The following NTNG1 variants were observed in gnomAD, a reference collection of about 807,000 sequenced individuals.
NTNG1 encodes netrin G1, also known as netrin-G1.
A neutral mutation model predicts 54.0 loss-of-function variants in NTNG1; 16 were observed. The observed-to-expected ratio is 0.30, with a 90% confidence interval of 0.20 to 0.45. The LOEUF is 0.45. Among genes scored for constraint, NTNG1 ranks in the 20% least tolerant of loss-of-function variants. The pLI, the probability that NTNG1 is intolerant of heterozygous loss-of-function variation, is 1.00. For missense variants in NTNG1, 530 were observed against 678.7 expected (o/e 0.78, Z 2.43); for synonymous variants, 255 against 263.1 (o/e 0.97, Z 0.30).
chr1:107,283,844 C>T (rs950079033), intron 2 of NTNG1, among the ~76,000 whole-genome samples: 5 of 152,154 alleles, frequency 3.3e-5, no homozygotes, highest in African/African-American at 1.2e-4. Flanking sequence ...GACTCCTATA[C>T]CCTAAGCTGT....
At chr1:107,147,166 T>G (rs1434705102) in intron 1 of NTNG1, among the ~76,000 whole-genome samples, 1 of 152,118 alleles carries the variant, frequency 6.6e-6, no homozygotes, top group Admixed American at 6.6e-5. Flanking sequence ...GGATGCATTA[T>G]CAGTTAATCA....
intron 2 of NTNG1, among the ~76,000 whole-genome samples, chr1:107,255,350 A>G (rs1041914082): frequency 1.3e-5 from 2 of 152,180 alleles, no homozygotes; most frequent in African/African-American, 4.8e-5. Context: ...CCCAAAGGAG[A>G]AGCAGCCAAG....
intron 2 of NTNG1, among the ~76,000 whole-genome samples, chr1:107,270,559 T>C (rs971096110): frequency 6.6e-6 from 1 of 152,230 alleles, no homozygotes; most frequent in South Asian, 2.1e-4. Flanking sequence ...TCTGATGTTA[T>C]TAATGGGTTC....
chr1:107,273,457 ATTG>A (rs562798605), intron 2 of NTNG1, among the ~76,000 whole-genome samples: 441 of 152,308 alleles, frequency 2.9e-3, no homozygotes, highest in Non-Finnish European at 4.8e-3. Context: ...CAACATAGTT[ATTG>A]TTGTTGTCGT....
chr1:107,192,888 A>T (rs139984970), intron 2 of NTNG1, among the ~76,000 whole-genome samples: 11 of 152,178 alleles, frequency 7.2e-5, no homozygotes, highest in African/African-American at 1.7e-4. Flanking sequence ...GACTACTGTG[A>T]TTTCCTGAAA....
rs555539232 is a variant in NTNG1 at position 107,333,052 on chromosome 1, A to G, written c.887+8130A>G. Among the ~76,000 whole-genome samples the G allele has an allele frequency of 1.6e-3, 247 of 152,138 alleles. 2 individuals carry two copies. The highest frequency in any genetic ancestry group is 5.3e-3 in the African/African-American group (221 of 41,546). On this transcript the variant is annotated intron_variant, in intron 3 of 7. Transcript: ENST00000370068. ...GTGAAACAGGAGCCTCACAAACCCT[A>G]CTGGTCCAGAAGATTATAAAAGTAG...
At position 107,161,522 on chromosome 1, in the gene NTNG1, G is replaced by T. The variant is rs555287443; in HGVS notation, c.246+12683G>T. On this transcript the variant is annotated intron_variant, in intron 2 of 7. Transcript: ENST00000370068. ...CTAAAAATACAAAAATTGGCCAGGT[G>T]TAATGGTGTGCACCTGTAATTCCAG... is the stretch of plus-strand genomic sequence containing the variant. 2.6e-4 allele frequency among the ~76,000 whole-genome samples: 40 copies of T among 152,076 alleles called. 1 individual carries two copies. Among genetic ancestry groups the T allele is most frequent in the African/African-American group, 9.6e-4 (40 of 41,474 alleles).
intron 2 of NTNG1, among the ~76,000 whole-genome samples, chr1:107,192,400 G>T (rs1365419617): frequency 6.6e-6 from 1 of 151,980 alleles, no homozygotes; most frequent in Non-Finnish European, 1.5e-5. Context: ...TTGTTCAAAA[G>T]CCTTATCCCA....
intron 2 of NTNG1, among the ~76,000 whole-genome samples, chr1:107,149,259 C>T (rs1654376704): frequency 6.6e-6 from 1 of 152,078 alleles, no homozygotes; most frequent in Admixed American, 6.6e-5. Flanking sequence ...AAAGCCAGTC[C>T]TAAATTCTGT....
At chr1:107,268,613 T>C (rs999143221) in intron 2 of NTNG1, among the ~76,000 whole-genome samples, 5 of 152,124 alleles carry the variant, frequency 3.3e-5, no homozygotes, top group Non-Finnish European at 5.9e-5. Context: ...AAGTGTGAAC[T>C]ATATGTTGAT....
rs189479658 is a variant in NTNG1 at position 107,164,924 on chromosome 1, G to A, written c.246+16085G>A. Among the ~76,000 whole-genome samples, 360 of 152,230 alleles carry A rather than the reference G, an allele frequency of 2.4e-3. 1 individual carries two copies. Among genetic ancestry groups the A allele is most frequent in the African/African-American group, 8.3e-3 (345 of 41,548 alleles). On this transcript the variant is annotated intron_variant, in intron 2 of 7. Transcript: ENST00000370068. ...AGGGGAAGGGGTTCTTATTCCTGAC[G>A]CTGTGTGGTTCCCCTGTTGGCTAGG...
intron 7 of NTNG1, among the ~76,000 whole-genome samples, chr1:107,443,194 A>G (rs1299816377): frequency 6.6e-6 from 1 of 152,126 alleles, no homozygotes; most frequent in Non-Finnish European, 1.5e-5. Flanking sequence ...TAAGAACCAC[A>G]GTTTGATCAC....
At chr1:107,226,018 T>C (rs1243523977) in intron 2 of NTNG1, among the ~76,000 whole-genome samples, 1 of 152,096 alleles carries the variant, frequency 6.6e-6, no homozygotes, top group Non-Finnish European at 1.5e-5. Flanking sequence ...GATAGGCAAA[T>C]CTCATCTGTA....
chr1:107,456,944 C>T (rs1329506732), intron 7 of NTNG1, among the ~76,000 whole-genome samples: 2 of 152,224 alleles, frequency 1.3e-5, no homozygotes, highest in Non-Finnish European at 2.9e-5. Flanking sequence ...AATCAATATA[C>T]TGATGAATTA....
chr1:107,141,647 C>A (rs1001472084), intron 1 of NTNG1, among the ~76,000 whole-genome samples: 1 of 152,106 alleles, frequency 6.6e-6, no homozygotes, highest in African/African-American at 2.4e-5. Flanking sequence ...GAGCCCTACG[C>A]GCACACACAG....
chr1:107,342,099 G>A (rs536165599), intron 3 of NTNG1, among the ~76,000 whole-genome samples: 22 of 152,096 alleles, frequency 1.4e-4, no homozygotes, highest in South Asian at 6.2e-4. Context: ...TTTAGTAGTC[G>A]TATTTTATAT....
At chr1:107,378,597 T>C (rs1345132821) in intron 3 of NTNG1, among the ~76,000 whole-genome samples, 2 of 152,034 alleles carry the variant, frequency 1.3e-5, no homozygotes, top group African/African-American at 4.8e-5. Flanking sequence ...TCACCAATGA[T>C]GGAGGGCAGA....
In NTNG1 at chr1:107,480,596, C is replaced by A. The variant is rs1262634730; in HGVS notation, c.1391-15C>A. The A allele has an allele frequency of 3.2e-6, 2 of 625,936 alleles. No homozygotes were observed. Among genetic ancestry groups the A allele is most frequent in the Non-Finnish European group, 5.2e-6 (2 of 382,800 alleles). The allele number at this position is 625,936 out of a possible 1,614,324, so 38.8% of individuals were successfully genotyped here. A position where few individuals can be genotyped will look rare whatever the true frequency, so the allele number is the denominator to read the frequency against. ...CCCGCGCCCACCCACCCCTACCTTCCCCCTCATTCTGCAGCGAATGTCTGC... is the reference window on the plus strand; with the variant it reads ...CCCGCGCCCACCCACCCCTACCTTCACCCTCATTCTGCAGCGAATGTCTGC... On this transcript the variant is annotated splice_polypyrimidine_tract_variant and intron_variant, in intron 7 of 7. Transcript: ENST00000370068.
chr1:107,476,895 T>C (rs1162473033), intron 7 of NTNG1, among the ~76,000 whole-genome samples: 1 of 152,246 alleles, frequency 6.6e-6, no homozygotes, highest in Non-Finnish European at 1.5e-5. Context: ...CATTCACTAA[T>C]GTGTCTTTCA....
Sources: allele counts gnomAD v4.1 joint callset (sites outside exome capture counted in the v4.1 genomes callset), GRCh38; gene constraint gnomAD v4.1.1; transcripts MANE v1.5; gene names NCBI Gene and HGNC (gene_info 2026-07-23, HGNC 2026-07-21).